GPC5: variants seen among roughly 807,000 people sequenced by gnomAD.
GPC5 encodes glypican-5.
A neutral mutation model predicts 53.9 loss-of-function variants in GPC5; 47 were observed. The observed-to-expected ratio is 0.87, with a 90% CI of 0.69 to 1.11. The LOEUF is 1.11. Ranked by LOEUF, GPC5 falls within the 50% of genes most tolerant of loss-of-function variation. GPC5 has a pLI of 0.00. For missense variants in GPC5, 748 were observed against 713.1 expected, an observed-to-expected ratio of 1.05 and a Z score of -0.56; for synonymous variants, 286 against 263.3, an observed-to-expected ratio of 1.09 and a Z score of -0.84.
chr13:92,579,206 T>C (rs1883284921), intron 7 of GPC5, among the ~76,000 whole-genome samples: 1 of 150,462 alleles, frequency 6.6e-6, no homozygotes, highest in African/African-American at 2.4e-5. Context: ...CCCTGAATTA[T>C]AGATTTTAGA....
At chr13:92,457,516 CA>C (rs1878317442) in intron 7 of GPC5, among the ~76,000 whole-genome samples, 1 of 152,110 alleles carries the variant, frequency 6.6e-6, no homozygotes, top group Admixed American at 6.6e-5. Flanking sequence ...CTCACATTAT[CA>C]GACTGCTCTT....
intron 7 of GPC5, among the ~76,000 whole-genome samples, chr13:92,450,292 G>T (rs1878007797): frequency 1.3e-5 from 2 of 152,244 alleles, no homozygotes; most frequent in South Asian, 4.1e-4. Context: ...ATGTTAGATT[G>T]ATGCAGATTT....
chr13:92,342,639 TC>T (rs201112701), intron 7 of GPC5, among the ~76,000 whole-genome samples: 5,981 of 152,032 alleles, frequency 0.039, 171 homozygotes, highest in East Asian at 0.095. Context: ...GAAATAAGTT[TC>T]TTTTTTAAAT....
intron 1 of GPC5, among the ~76,000 whole-genome samples, chr13:91,443,867 C>T (rs1366659430): frequency 1.3e-5 from 2 of 152,100 alleles, no homozygotes; most frequent in Non-Finnish European, 2.9e-5. Flanking sequence ...GTCTGTATCT[C>T]CGTTTTTCCA....
In GPC5 at chr13:91,501,022, AC is replaced by A. The variant is rs199727955; in HGVS notation, c.325+52101del. Among the ~76,000 whole-genome samples the A allele has an allele frequency of 7.8e-3, 1,184 of 152,296 alleles. 10 individuals carry two copies. Among genetic ancestry groups the A allele is most frequent in the African/African-American group, 0.019 (776 of 41,564 alleles). ...CCGTGATTGGGAGGCCTCCCCAGCC[AC>A]ATGGAACTGTGAGTCCATTAAACCT... On this transcript the variant is annotated intron_variant, in intron 2 of 7. Transcript: ENST00000377067.
chr13:92,309,811 T>C (rs1377935831), intron 7 of GPC5, among the ~76,000 whole-genome samples: 2 of 152,124 alleles, frequency 1.3e-5, no homozygotes, highest in Admixed American at 6.5e-5. Flanking sequence ...TTATTACTTA[T>C]ATTCATCATG....
chr13:92,402,854 A>AG (rs1213840484), intron 7 of GPC5, among the ~76,000 whole-genome samples: 2 of 152,176 alleles, frequency 1.3e-5, no homozygotes, highest in Admixed American at 6.5e-5. Flanking sequence ...GATGACTCAT[A>AG]GGGGGAACAG....
chr13:91,448,691 G>A lies in GPC5; in HGVS notation c.164-70G>A, dbSNP rs1489387571. ...CTTTGTGTGCAGGACTGGTCATAAC[G>A]CCTGATATATAATATGTAATACTTG... On this transcript the variant is annotated intron_variant, in intron 1 of 7. Transcript: ENST00000377067. 1.5e-5 allele frequency: 23 copies of A among 1,504,054 alleles called. 1 individual carries two copies. The highest frequency in any genetic ancestry group is 6.3e-5 in the South Asian group (5 of 79,474). The allele number at this position is 1,504,054 out of a possible 1,614,324, so 93.2% of individuals were successfully genotyped here.
At chr13:92,669,698 G>A (rs1212713606) in intron 7 of GPC5, among the ~76,000 whole-genome samples, 1 of 152,112 alleles carries the variant, frequency 6.6e-6, no homozygotes, top group Non-Finnish European at 1.5e-5. Context: ...CTCTTGGAAA[G>A]CAAGACAAAG....
intron 7 of GPC5, among the ~76,000 whole-genome samples, chr13:92,844,945 G>T (rs1013965635): frequency 6.6e-6 from 1 of 152,120 alleles, no homozygotes; most frequent in African/African-American, 2.4e-5. Flanking sequence ...ACTGCTCACA[G>T]ATACAGTTGG....
intron 7 of GPC5, among the ~76,000 whole-genome samples, chr13:92,204,907 C>T (rs1458451853): frequency 6.6e-6 from 1 of 152,130 alleles, no homozygotes; most frequent in Non-Finnish European, 1.5e-5. Context: ...TAGACAGAGT[C>T]TCGCTCTTTC....
intron 2 of GPC5, among the ~76,000 whole-genome samples, chr13:91,471,904 A>G (rs1882657617): frequency 6.6e-6 from 1 of 152,182 alleles, no homozygotes; most frequent in African/African-American, 2.4e-5. Context: ...GTAACCTAAC[A>G]GATTAGGATT....
intron 7 of GPC5, among the ~76,000 whole-genome samples, chr13:92,246,387 G>C (rs1161719163): frequency 3.3e-5 from 5 of 152,074 alleles, no homozygotes; most frequent in African/African-American, 4.8e-5. Context: ...ATACCAGTGA[G>C]AAATTGTCAA....
chr13:91,799,869 A>G (rs1484458270), intron 5 of GPC5, among the ~76,000 whole-genome samples: 2 of 152,200 alleles, frequency 1.3e-5, no homozygotes, highest in Non-Finnish European at 1.5e-5. Flanking sequence ...TATTGCTACC[A>G]TAAAGGTTGA....
intron 2 of GPC5, among the ~76,000 whole-genome samples, chr13:91,462,058 A>G (rs1319290797): frequency 6.6e-6 from 1 of 152,170 alleles, no homozygotes; most frequent in Non-Finnish European, 1.5e-5. Flanking sequence ...TTAAATTGCT[A>G]TGTTTTGACT....
At chr13:92,040,384 G>T (rs1274790885) in intron 6 of GPC5, among the ~76,000 whole-genome samples, 1 of 152,180 alleles carries the variant, frequency 6.6e-6, no homozygotes, top group Non-Finnish European at 1.5e-5. Flanking sequence ...ACCAGGGCAG[G>T]TTCCCACCTT....
intron 7 of GPC5, among the ~76,000 whole-genome samples, chr13:92,348,594 C>T (rs2043448360): frequency 6.6e-6 from 1 of 152,008 alleles, no homozygotes; most frequent in African/African-American, 2.4e-5. Context: ...CAGACATAAA[C>T]AGAACATTCC....
chr13:92,250,320 A>G (rs1390581601), intron 7 of GPC5, among the ~76,000 whole-genome samples: 6 of 152,148 alleles, frequency 3.9e-5, no homozygotes, highest in African/African-American at 1.4e-4. Context: ...TCACATGCCC[A>G]TTTTAATATT....
At chr13:92,551,817 C>G (rs1401859137) in intron 7 of GPC5, among the ~76,000 whole-genome samples, 3 of 151,702 alleles carry the variant, frequency 2.0e-5, no homozygotes, top group Non-Finnish European at 4.4e-5. Flanking sequence ...AAATAGAAAA[C>G]TAATCAAAAT....
Sources: gnomAD v4.1 joint callset for allele counts (sites outside exome capture counted in the v4.1 genomes callset) on GRCh38, gnomAD v4.1.1 for gene constraint, MANE v1.5 for transcripts, NCBI Gene and HGNC (gene_info 2026-07-23, HGNC 2026-07-21) for gene names.